ZNF112: variants seen among roughly 807,000 people sequenced by gnomAD.
ZNF112 encodes the protein zinc finger protein 112 (Y14).
A neutral mutation model predicts 77.7 loss-of-function variants in ZNF112; 37 were observed. The ratio of observed to expected loss-of-function variants is 0.48; its 90% CI spans 0.37 to 0.63. The LOEUF (loss-of-function observed/expected upper bound fraction) is 0.63, where lower values mean the gene tolerates loss of function less well. Ranked by LOEUF, ZNF112 falls within the 20% of genes least tolerant of loss-of-function variation. The probability of loss-of-function intolerance (pLI) is 0.00; values close to 1 mark genes in which losing one functional copy is unlikely to be tolerated. For missense variants in ZNF112, 950 were observed against 1,077.4 expected, an observed-to-expected ratio of 0.88 and a Z score of 1.66; for synonymous variants, 333 against 363.6, an observed-to-expected ratio of 0.92 and a Z score of 0.96.
intron 3 of ZNF112, among the ~76,000 whole-genome samples, chr19:44,332,178 T>C (rs552721398): frequency 1.3e-5 from 2 of 152,246 alleles, no homozygotes; most frequent in African/African-American, 4.8e-5. Context: ...CTGGGCAGCA[T>C]GGCAAGACTC....
intron 1 of ZNF112, among the ~76,000 whole-genome samples, chr19:44,353,212 T>C (rs1488572468): frequency 3.3e-5 from 5 of 151,962 alleles, no homozygotes; most frequent in African/African-American, 1.2e-4. Context: ...CATTCATATG[T>C]AAAGAAATAA....
chr19:44,341,326 C>T (rs541948023), intron 1 of ZNF112: 15 of 383,360 alleles, frequency 3.9e-5, no homozygotes, highest in East Asian at 1.5e-4. Flanking sequence ...GTTACCTATA[C>T]GAACAATGTT....
At chr19:44,349,997 AG>A (rs1186972884) in intron 1 of ZNF112, among the ~76,000 whole-genome samples, 1 of 152,112 alleles carries the variant, frequency 6.6e-6, no homozygotes, top group Non-Finnish European at 1.5e-5. Context: ...GTTAGCCTCT[AG>A]GAACAGTCGA....
chr19:44,335,215 T>C (rs2571105), intron 3 of ZNF112, among the ~76,000 whole-genome samples: 29,334 of 152,196 alleles, frequency 0.19, 3,523 homozygotes, highest in African/African-American at 0.32. Flanking sequence ...GGGTTTCAGA[T>C]TGGCATGGGG....
At chr19:44,335,623 T>C (rs1970351744) in intron 3 of ZNF112, among the ~76,000 whole-genome samples, 1 of 152,122 alleles carries the variant, frequency 6.6e-6, no homozygotes, top group African/African-American at 2.4e-5. Flanking sequence ...ATTTTTAAAG[T>C]GGTGTAAGAA....
chr19:44,330,206 AG>A (rs1970245278), intron 3 of ZNF112, among the ~76,000 whole-genome samples: 1 of 152,202 alleles, frequency 6.6e-6, no homozygotes, highest in Non-Finnish European at 1.5e-5. Context: ...TACTCATTGG[AG>A]TATTTCAGAT....
intron 1 of ZNF112, among the ~76,000 whole-genome samples, chr19:44,353,784 G>A (rs1381150719): frequency 1.3e-5 from 2 of 152,046 alleles, no homozygotes; most frequent in Non-Finnish European, 2.9e-5. Flanking sequence ...TACATCATTA[G>A]TGAGAATGCA....
At chr19:44,349,075 T>C (rs1455504732) in intron 1 of ZNF112, among the ~76,000 whole-genome samples, 2 of 152,140 alleles carry the variant, frequency 1.3e-5, no homozygotes, top group South Asian at 2.1e-4. Context: ...CAAATTTCAG[T>C]GTCCATAAAG....
chr19:44,327,341 T>C lies in ZNF112; in HGVS notation c.*92A>G. 2 of 1,027,062 alleles carry C rather than the reference T, an allele frequency of 1.9e-6. No individual in the cohort carries two copies. The highest frequency in any genetic ancestry group is 3.6e-5 in the South Asian group (2 of 56,266). The allele number at this position is 1,027,062 out of a possible 1,614,324, so 63.6% of individuals were successfully genotyped here. A position where few individuals can be genotyped will look rare whatever the true frequency, so the allele number is the denominator to read the frequency against. ...TCCTGGCCATTATGAATGTTGAAGT[T>C]GGGCAGCAACATTACATTTTAATTT... On this transcript the variant is annotated 3_prime_UTR_variant, in exon 4 of 4. Coordinates refer to ENST00000354340, the MANE Select transcript of ZNF112 (RefSeq NM_013380.4).
At chr19:44,353,887 C>G (rs554679871) in intron 1 of ZNF112, among the ~76,000 whole-genome samples, 2 of 74,412 alleles carry the variant, frequency 2.7e-5, no homozygotes, top group Non-Finnish European at 5.4e-5. Flanking sequence ...TCGTACCCTA[C>G]AGAAATAAGC....
At chr19:44,344,725 G>A (rs1480960777) in intron 1 of ZNF112, among the ~76,000 whole-genome samples, 1 of 152,198 alleles carries the variant, frequency 6.6e-6, no homozygotes, top group Non-Finnish European at 1.5e-5. Flanking sequence ...GAGGATGGAT[G>A]AGGATGGAGA....
upstream of ZNF112, among the ~76,000 whole-genome samples, chr19:44,358,009 G>A (rs370177888): frequency 1.3e-5 from 2 of 151,982 alleles, no homozygotes; most frequent in Non-Finnish European, 2.9e-5. Context: ...AAAATTAGCC[G>A]GGCGTGGTGG....
At chr19:44,346,179 G>C (rs1395537034) in intron 1 of ZNF112, among the ~76,000 whole-genome samples, 1 of 152,186 alleles carries the variant, frequency 6.6e-6, no homozygotes, top group East Asian at 1.9e-4. Context: ...CTTTGGCCAA[G>C]AGCCCAGGCT....
chr19:44,334,182 C>T (rs868550337), intron 3 of ZNF112, among the ~76,000 whole-genome samples: 9 of 152,202 alleles, frequency 5.9e-5, no homozygotes, highest in African/African-American at 2.2e-4. Flanking sequence ...AGACTGGCAG[C>T]ATTATGCCTC....
rs1331618689 is a variant in ZNF112, at chr19:44,329,585, C to T, written c.572G>A (p.Arg191Lys). The part of the protein sequence containing the change: ...YLKESHNYQC[R>K]CQQISMKNHF... ...ATTTTTCATGGAAATTTGCTGACAT[C>T]TACACTGATAATTATGTGACTCTTT... is the stretch of plus-strand genomic sequence containing the variant. The change falls in exon 4 of 4, where the codon AGA (arginine) becomes AAA (lysine). Residue 191 changes from arginine (R) to lysine (K), a missense_variant. Around this residue, in one of 3 missense-constraint regions of ZNF112, gnomAD observed 560 missense variants for 557.3 expected, o/e 1.00. Transcript: ENST00000354340. The T allele has an allele frequency of 1.2e-6, 2 of 1,614,018 alleles. No homozygotes were observed. Among genetic ancestry groups the T allele is most frequent in the Admixed American group, 1.7e-5 (1 of 59,990 alleles).
chr19:44,334,154 T>C (rs958789828), intron 3 of ZNF112, among the ~76,000 whole-genome samples: 5 of 152,222 alleles, frequency 3.3e-5, no homozygotes, highest in Admixed American at 6.5e-5. Context: ...CCAACATTGG[T>C]GCTATGCTTT....
chr19:44,340,289 G>T (rs1970465866), intron 2 of ZNF112, 127 bp downstream of exon 2: 2 of 1,282,986 alleles, frequency 1.6e-6, no homozygotes, highest in Non-Finnish European at 2.1e-6. Context: ...GTTGCACGGG[G>T]ATTATTAGGA....
At chr19:44,366,082 G>A (rs1001621428) in intron 1 of ZNF112, among the ~76,000 whole-genome samples, 4 of 152,142 alleles carry the variant, frequency 2.6e-5, no homozygotes, top group African/African-American at 4.8e-5. Flanking sequence ...AGGCCTGGTG[G>A]CTCTCGCTTG....
Position 44,328,616 on chromosome 19 carries a change from G to A in ZNF112, c.1541C>T (p.Thr514Ile). The part of the protein sequence containing the change: ...SKLKDHQRVH[T>I]GQKPYKCNIC... ...ATTGCATTTGTATGGCTTCTGTCCA[G>A]TGTGGACTCTCTGATGATCTTTAAG... The change falls in exon 4 of 4, where the codon ACT (threonine) becomes ATT (isoleucine). Residue 514 changes from threonine to isoleucine, a missense_variant. Around this residue, in one of 3 missense-constraint regions of ZNF112, gnomAD observed 373 missense variants for 482.8 expected, o/e 0.77. Transcript: ENST00000354340. The A allele has an allele frequency of 6.2e-7, 1 of 1,614,116 alleles. No individual in the cohort carries two copies. Among genetic ancestry groups the A allele is most frequent in the Non-Finnish European group, 8.5e-7 (1 of 1,180,006 alleles).
Sources: gnomAD v4.1 joint callset for allele counts (sites outside exome capture counted in the v4.1 genomes callset) on GRCh38, gnomAD v4.1.1 for gene constraint, gnomAD v4.1.1 regional missense constraint, MANE v1.5 for transcripts, NCBI Gene and HGNC (gene_info 2026-07-23, HGNC 2026-07-21) for gene names.